DTD1: variants seen among roughly 807,000 people sequenced by gnomAD.
DTD1 encodes D-aminoacyl-tRNA deacylase 1, also known as D-tyrosyl-tRNA deacylase 1 homolog.
A neutral mutation model predicts 25.6 loss-of-function variants in DTD1; 13 were observed. The ratio of observed to expected loss-of-function variants is 0.51; its 90% CI spans 0.33 to 0.81. The LOEUF is 0.81. DTD1 is among the 30% of genes least tolerant of loss of function. DTD1 has a pLI of 0.02. For missense variants in DTD1, 193 were observed against 266.4 expected (o/e 0.72, Z 1.92); for synonymous variants, 110 against 103.6 (o/e 1.06, Z -0.37).
chr20:18,616,684 A>G (rs138546790), intron 3 of DTD1, among the ~76,000 whole-genome samples: 2 of 152,330 alleles, frequency 1.3e-5, no homozygotes, highest in African/African-American at 4.8e-5. Flanking sequence ...GTGCACGCCT[A>G]TAGTCCCAGC....
At chr20:18,680,702 G>A (rs2060993648) in intron 4 of DTD1, among the ~76,000 whole-genome samples, 1 of 152,114 alleles carries the variant, frequency 6.6e-6, no homozygotes, top group Non-Finnish European at 1.5e-5. Context: ...TGTCTCTACT[G>A]TAGGGAGATA....
At chr20:18,651,038 A>G (rs1184445753) in intron 4 of DTD1, among the ~76,000 whole-genome samples, 1 of 152,240 alleles carries the variant, frequency 6.6e-6, no homozygotes, top group Non-Finnish European at 1.5e-5. Context: ...CTGAAAGAGA[A>G]CCTGATTATT....
intron 4 of DTD1, among the ~76,000 whole-genome samples, chr20:18,648,382 G>A (rs1484722638): frequency 6.6e-6 from 1 of 152,212 alleles, no homozygotes; most frequent in African/African-American, 2.4e-5. Context: ...AGAGATGGTT[G>A]CGTCTGCAGC....
At chr20:18,610,677 A>G (rs944900266) in intron 3 of DTD1, among the ~76,000 whole-genome samples, 3 of 152,246 alleles carry the variant, frequency 2.0e-5, no homozygotes, top group African/African-American at 4.8e-5. Context: ...TGGGAGGCCA[A>G]GACGGGTGGA....
At chr20:18,593,540 C>T (rs2060598686) in intron 1 of DTD1, among the ~76,000 whole-genome samples, 191 bp from the exon 2 acceptor site, 1 of 152,178 alleles carries the variant, frequency 6.6e-6, no homozygotes, top group Admixed American at 6.5e-5. Flanking sequence ...GAGATAAAAT[C>T]AGAATGGATG....
At chr20:18,742,494 C>T (rs1256748451) in intron 4 of DTD1, among the ~76,000 whole-genome samples, 1 of 152,144 alleles carries the variant, frequency 6.6e-6, no homozygotes, top group Non-Finnish European at 1.5e-5. Context: ...CCTGTCAGAT[C>T]AGCAGTGGCC....
At chr20:18,666,601 G>A (rs1403655037) in intron 4 of DTD1, among the ~76,000 whole-genome samples, 2 of 151,950 alleles carry the variant, frequency 1.3e-5, no homozygotes, top group Non-Finnish European at 2.9e-5. Flanking sequence ...AACCCTATTT[G>A]GAATTCTTCT....
intron 4 of DTD1, among the ~76,000 whole-genome samples, chr20:18,713,596 C>G (rs1020926029): frequency 1.3e-5 from 2 of 152,168 alleles, no homozygotes; most frequent in African/African-American, 4.8e-5. Flanking sequence ...GGTTCACGTC[C>G]CCACCTTCAT....
chr20:18,635,298 C>CA (rs2060802768), intron 4 of DTD1, among the ~76,000 whole-genome samples: 1 of 152,232 alleles, frequency 6.6e-6, no homozygotes, highest in Non-Finnish European at 1.5e-5. Context: ...GGGAACTCAG[C>CA]AAAGCGTCCT....
intron 1 of DTD1, 146 bp from the exon 2 acceptor site, chr20:18,593,585 C>T: frequency 1.6e-6 from 1 of 611,902 alleles, no homozygotes; most frequent in Non-Finnish European, 3.0e-6. Context: ...TTATGTAACT[C>T]TTTTCATTTT....
At chr20:18,725,515 T>C (rs932284368) in intron 4 of DTD1, among the ~76,000 whole-genome samples, 2 of 152,228 alleles carry the variant, frequency 1.3e-5, no homozygotes, top group African/African-American at 2.4e-5. Flanking sequence ...GTTTAAATAA[T>C]TTGTTTCTGT....
intron 1 of DTD1, chr20:18,588,933 T>G (rs1445909703): frequency 1.6e-5 from 15 of 935,504 alleles, no homozygotes; most frequent in Non-Finnish European, 1.9e-5. Flanking sequence ...CTTTATATTG[T>G]CTTTAGTCTT....
intron 4 of DTD1, among the ~76,000 whole-genome samples, chr20:18,660,835 C>T (rs143222726): frequency 6.6e-6 from 1 of 152,092 alleles, no homozygotes; most frequent in East Asian, 1.9e-4. Flanking sequence ...ATGTCACATG[C>T]AATTGTAAGA....
chr20:18,755,368 G>A (rs1287885627), intron 5 of DTD1, among the ~76,000 whole-genome samples: 12 of 152,074 alleles, frequency 7.9e-5, no homozygotes, highest in South Asian at 2.1e-4. Flanking sequence ...ATGCTGCACC[G>A]TTAACTCGTC....
In DTD1 at chr20:18,652,600, G is replaced by T. The variant is rs77487090; in HGVS notation, c.477+24367G>T. Among the ~76,000 whole-genome samples the T allele has an allele frequency of 7.1e-4, 108 of 152,314 alleles. 1 individual carries two copies. The East Asian group carries it at 0.018, about 26-fold the overall frequency. ...TGAGCAGTGGGTCTCTACCTGGGCTGCCTTGTCCTGTGTAGTCTTAGGGGT... is the reference window on the plus strand; with the variant it reads ...TGAGCAGTGGGTCTCTACCTGGGCTTCCTTGTCCTGTGTAGTCTTAGGGGT... On this transcript the variant is annotated intron_variant, in intron 4 of 5. Transcript: ENST00000377452.
At chr20:18,734,919 C>T (rs905574590) in intron 4 of DTD1, among the ~76,000 whole-genome samples, 1 of 152,168 alleles carries the variant, frequency 6.6e-6, no homozygotes. Flanking sequence ...TTGACTTCTG[C>T]GGGGTCTGGC....
At position 18,656,621 on chromosome 20, in the gene DTD1, C is replaced by T. The variant is rs374553285; in HGVS notation, c.477+28388C>T. 9.7e-4 allele frequency among the ~76,000 whole-genome samples: 147 copies of T among 152,310 alleles called. 2 individuals carry two copies. In the South Asian group the frequency reaches 0.027, roughly 28 times the overall value. ...ACTATGTCTGCCTCGCTCCTCTGGT[C>T]GTCAGAGTAGGTGCCATTGTAGATT... is the stretch of plus-strand genomic sequence containing the variant. On this transcript the variant is annotated intron_variant, in intron 4 of 5. Coordinates refer to ENST00000377452, the MANE Select transcript of DTD1 (RefSeq NM_080820.6).
chr20:18,730,253 A>G (rs1457113048), intron 4 of DTD1, among the ~76,000 whole-genome samples: 3 of 152,236 alleles, frequency 2.0e-5, no homozygotes, highest in Non-Finnish European at 4.4e-5. Flanking sequence ...TGTAAAAACC[A>G]GTGCAGTGAA....
intron 1 of DTD1, among the ~76,000 whole-genome samples, chr20:18,591,446 A>T (rs983515482): frequency 2.0e-4 from 30 of 152,202 alleles, no homozygotes; most frequent in Non-Finnish European, 4.3e-4. Context: ...GATGAGCTGA[A>T]TCTATTAAAA....
Sources: gnomAD v4.1 joint callset for allele counts (sites outside exome capture counted in the v4.1 genomes callset) on GRCh38, gnomAD v4.1.1 for gene constraint, MANE v1.5 for transcripts, NCBI Gene and HGNC (gene_info 2026-07-23, HGNC 2026-07-21) for gene names.